Variants in AKR1C8 observed in about 807,000 individuals in gnomAD.
AKR1C8 encodes aldo-keto reductase family 1 member C8.
the AKR1C8 span, among the ~76,000 whole-genome samples, chr10:5,132,037 T>C: frequency 6.6e-6 from 1 of 152,150 alleles, no homozygotes; most frequent in Admixed American, 6.6e-5. Context: ...TTGTAGCAAC[T>C]TGGATGGAGA....
the AKR1C8 span, among the ~76,000 whole-genome samples, chr10:5,180,141 G>T: frequency 2.0e-5 from 3 of 152,218 alleles, no homozygotes; most frequent in Non-Finnish European, 4.4e-5. Flanking sequence ...GTGATGCACA[G>T]ATGGGCTTTT....
At chr10:5,183,619 CA>C in the AKR1C8 span, among the ~76,000 whole-genome samples, 24 of 152,106 alleles carry the variant, frequency 1.6e-4, no homozygotes, top group Admixed American at 9.8e-4. Context: ...CACCATCCGA[CA>C]AAAAAATAGC....
At chr10:5,145,082 G>T in the AKR1C8 span, among the ~76,000 whole-genome samples, 2,721 of 150,682 alleles carry the variant, frequency 0.018, 80 homozygotes, top group African/African-American at 0.062. Flanking sequence ...TAGCATGAAG[G>T]GTTGTTGAAT....
chr10:5,169,053 A>C, the AKR1C8 span, among the ~76,000 whole-genome samples: 3 of 139,372 alleles, frequency 2.2e-5, no homozygotes, highest in Non-Finnish European at 3.2e-5. Flanking sequence ...TATTACTCAG[A>C]CAAGCACTGA....
chr10:5,132,297 C>T, the AKR1C8 span, among the ~76,000 whole-genome samples: 59,534 of 151,910 alleles, frequency 0.39, 12,469 homozygotes, highest in Non-Finnish European at 0.43. Context: ...ATTCATGTAA[C>T]CAAAATCCAC....
At chr10:5,173,097 C>CT in the AKR1C8 span, among the ~76,000 whole-genome samples, 1 of 151,196 alleles carries the variant, frequency 6.6e-6, no homozygotes, top group African/African-American at 2.4e-5. Flanking sequence ...TTTGTGTCAA[C>CT]TTTTCTATTT....
the AKR1C8 span, among the ~76,000 whole-genome samples, chr10:5,175,466 T>TA: frequency 6.6e-6 from 1 of 152,292 alleles, no homozygotes; most frequent in African/African-American, 2.4e-5. Context: ...AGCAGCATGA[T>TA]TTATAGTCCT....
the AKR1C8 span, among the ~76,000 whole-genome samples, chr10:5,164,689 T>C: frequency 2.6e-5 from 4 of 152,214 alleles, no homozygotes; most frequent in East Asian, 3.9e-4. Context: ...TCCTCAGGTG[T>C]TGGGAATGTT....
chr10:5,151,919 G>A, the AKR1C8 span, among the ~76,000 whole-genome samples: 1 of 152,110 alleles, frequency 6.6e-6, no homozygotes, highest in Non-Finnish European at 1.5e-5. Flanking sequence ...AAAGGCCAAT[G>A]ACCACTCTGG....
the AKR1C8 span, among the ~76,000 whole-genome samples, chr10:5,175,004 C>T: frequency 6.6e-6 from 1 of 151,924 alleles, no homozygotes; most frequent in South Asian, 2.1e-4. Flanking sequence ...TTTTAGGGTA[C>T]AAGTGCACAA....
the AKR1C8 span, among the ~76,000 whole-genome samples, chr10:5,121,064 C>T: frequency 0.28 from 42,337 of 151,018 alleles, 6,751 homozygotes; most frequent in Non-Finnish European, 0.36. Context: ...AAGCATAAAA[C>T]GACATAGAGG....
At chr10:5,117,238 C>A in the AKR1C8 span, among the ~76,000 whole-genome samples, 1 of 151,880 alleles carries the variant, frequency 6.6e-6, no homozygotes, top group African/African-American at 2.4e-5. Flanking sequence ...ATGTTAGTTT[C>A]CTGAGCCAAA....
At chr10:5,166,424 T>C in the AKR1C8 span, among the ~76,000 whole-genome samples, 1 of 152,324 alleles carries the variant, frequency 6.6e-6, no homozygotes, top group East Asian at 1.9e-4. Context: ...AGCATGGTAC[T>C]GGTACCAAAA....
At chr10:5,179,637 T>G in the AKR1C8 span, among the ~76,000 whole-genome samples, 20 of 138,518 alleles carry the variant, frequency 1.4e-4, no homozygotes, top group Non-Finnish European at 2.9e-4. Context: ...AGATTTGGTC[T>G]TTTCACATAG....
At chr10:5,149,923 C>T in the AKR1C8 span, among the ~76,000 whole-genome samples, 4 of 151,922 alleles carry the variant, frequency 2.6e-5, no homozygotes, top group African/African-American at 7.3e-5. Context: ...ATATTTTACT[C>T]AGTCACTGAA....
the AKR1C8 span, among the ~76,000 whole-genome samples, chr10:5,127,473 C>G: frequency 6.6e-6 from 1 of 152,014 alleles, no homozygotes; most frequent in African/African-American, 2.4e-5. Flanking sequence ...AATCCCAGCA[C>G]TTTGGGAGGC....
At chr10:5,164,600 G>T in the AKR1C8 span, among the ~76,000 whole-genome samples, 21 of 152,182 alleles carry the variant, frequency 1.4e-4, no homozygotes, top group African/African-American at 5.1e-4. Context: ...CTGGGCCCCT[G>T]TCAGTGAATA....
the AKR1C8 span, among the ~76,000 whole-genome samples, chr10:5,177,188 G>A: frequency 1.3e-5 from 2 of 151,982 alleles, no homozygotes; most frequent in Admixed American, 6.6e-5. Flanking sequence ...TTAGCATGAA[G>A]GGCTGTTGAA....
chr10:5,152,338 A>G, the AKR1C8 span, among the ~76,000 whole-genome samples: 1 of 152,196 alleles, frequency 6.6e-6, no homozygotes, highest in Admixed American at 6.5e-5. Context: ...GCTCTAGCCC[A>G]TATTTGCTGT....
Sources: allele counts gnomAD v4.1 joint callset (sites outside exome capture counted in the v4.1 genomes callset), GRCh38; gene constraint gnomAD v4.1.1; transcripts MANE v1.5; gene names NCBI Gene and HGNC (gene_info 2026-07-23, HGNC 2026-07-21).